The following ANK2 variants were observed in gnomAD, a reference collection of about 807,000 sequenced individuals.
The protein encoded by ANK2 is ankyrin-2.
ANK2 carries 83 observed loss-of-function variants against 360.5 expected under a neutral mutation model. The observed-to-expected ratio is 0.23, with a 90% CI of 0.19 to 0.28. ANK2 has a LOEUF of 0.28. Ranked by LOEUF, ANK2 falls within the 10% of genes least tolerant of loss-of-function variation. ANK2 has a pLI of 1.00. For synonymous variants in ANK2, 1,740 were observed against 1,759.5 expected (o/e 0.99, Z 0.28); for missense variants, 4,201 against 4,795.7 (o/e 0.88, Z 3.66).
upstream of ANK2, among the ~76,000 whole-genome samples, chr4:113,046,630 C>G (rs2064516402): frequency 6.6e-6 from 1 of 152,076 alleles, no homozygotes; most frequent in Admixed American, 6.6e-5. Flanking sequence ...AGACAGTGAG[C>G]CTGCTGGTGC....
chr4:113,332,031 G>A lies in ANK2; in HGVS notation c.3185G>A (p.Arg1062His), dbSNP rs760265335. 3 of 1,614,114 alleles carry A rather than the reference G, an allele frequency of 1.9e-6. No homozygotes were observed. The highest frequency in any genetic ancestry group is 1.1e-5 in the South Asian group (1 of 91,086). ...PLNEGESLVS[R>H]ILQLGPPGTK... ...AATGAGGGAGAAAGTTTGGTCAGCC[G>A]CATTCTTCAGCTGGGGCCTCCTGGA... The change falls in exon 28 of 46, where the codon CGC becomes CAC. Residue 1062 changes from arginine (R) to histidine (H), a missense_variant. Arg to His is a conservative substitution (Grantham distance 29). This residue lies in a region of ANK2 where 1,268 missense variants were observed against 1,650.8 expected (regional missense o/e 0.77). Coordinates refer to ENST00000357077, the MANE Select transcript of ANK2 (RefSeq NM_001148.6).
chr4:112,937,514 G>T (rs1190937229), intron 2 of ANK2, among the ~76,000 whole-genome samples: 1 of 151,940 alleles, frequency 6.6e-6, no homozygotes, highest in Non-Finnish European at 1.5e-5. Context: ...TTTTAGTAGA[G>T]ACTGGGTTTC....
intron 18 of ANK2, among the ~76,000 whole-genome samples, chr4:113,286,315 G>A (rs1337694358): frequency 6.6e-6 from 1 of 152,158 alleles, no homozygotes; most frequent in Non-Finnish European, 1.5e-5. Flanking sequence ...TAATAGAAAA[G>A]GATACACCTT....
chr4:112,740,046 C>T, the ANK2 span, among the ~76,000 whole-genome samples: 5 of 151,742 alleles, frequency 3.3e-5, no homozygotes, highest in African/African-American at 1.2e-4. Context: ...TTGTTGCAGG[C>T]GGGTTCTTCT....
intron 2 of ANK2, among the ~76,000 whole-genome samples, chr4:112,924,117 C>A (rs2092124150): frequency 6.6e-6 from 1 of 152,020 alleles, no homozygotes; most frequent in Non-Finnish European, 1.5e-5. Context: ...CGCCTGTAAT[C>A]CCAGCACTTT....
chr4:113,317,736 A>T lies in ANK2; in HGVS notation c.2723A>T (p.His908Leu), dbSNP rs1386171372. ...CGATCCTTCAGTTCCGACAGGTCTC[A>T]CACTCTGAGCCATGCCTCCTACCTG... ...SLRSFSSDRS[H>L]TLSHASYLRD... Residue 908 changes from histidine to leucine, a missense_variant, in exon 25 of 46, where the codon CAC becomes CTC. Physicochemically the swap from His to Leu is moderately conservative, Grantham distance 99 (BLOSUM62 -3). Around this residue, in one of 4 missense-constraint regions of ANK2, gnomAD observed 1,268 missense variants for 1,650.8 expected, o/e 0.77. Transcript: ENST00000357077. 2.5e-6 allele frequency: 4 copies of T among 1,613,948 alleles called. No homozygotes were observed.
At chr4:113,109,555 G>A (rs966688453) in intron 1 of ANK2, among the ~76,000 whole-genome samples, 3 of 152,264 alleles carry the variant, frequency 2.0e-5, no homozygotes, top group South Asian at 2.1e-4. Context: ...TGCACCTTGT[G>A]TGGACATTGA....
chr4:113,169,419 A>G (rs768623611), intron 1 of ANK2, among the ~76,000 whole-genome samples: 3 of 152,134 alleles, frequency 2.0e-5, no homozygotes, highest in Non-Finnish European at 4.4e-5. Flanking sequence ...TTTATTTTGT[A>G]TTGCTATAAA....
chr4:113,309,614 G>A (rs2078898240), intron 23 of ANK2, among the ~76,000 whole-genome samples: 1 of 152,090 alleles, frequency 6.6e-6, no homozygotes, highest in Non-Finnish European at 1.5e-5. Context: ...GACTTCCTGG[G>A]CTCAAGCGAT....
intron 1 of ANK2, among the ~76,000 whole-genome samples, chr4:113,128,769 G>A (rs966312617): frequency 2.6e-5 from 4 of 152,118 alleles, no homozygotes; most frequent in Non-Finnish European, 4.4e-5. Flanking sequence ...GATTACAGGC[G>A]TGAGCCACCG....
intron 1 of ANK2, among the ~76,000 whole-genome samples, chr4:113,148,562 AC>A (rs773697280): frequency 1.3e-5 from 2 of 152,176 alleles, no homozygotes; most frequent in Non-Finnish European, 2.9e-5. Context: ...ATTACTTTAG[AC>A]CATGAGCATG....
chr4:113,272,442 A>T (rs2058894890), intron 14 of ANK2, among the ~76,000 whole-genome samples: 1 of 152,228 alleles, frequency 6.6e-6, no homozygotes, highest in African/African-American at 2.4e-5. Flanking sequence ...ACCCTTAAGC[A>T]GTAAATTCAA....
intron 2 of ANK2, among the ~76,000 whole-genome samples, chr4:113,015,513 T>C (rs1272474652): frequency 6.6e-6 from 1 of 152,228 alleles, no homozygotes; most frequent in Non-Finnish European, 1.5e-5. Flanking sequence ...TATGATTTAA[T>C]ATGTTCATGA....
At chr4:113,061,644 G>A (rs1448061455) in intron 1 of ANK2, among the ~76,000 whole-genome samples, 1 of 151,888 alleles carries the variant, frequency 6.6e-6, no homozygotes. Flanking sequence ...TATAAACTTT[G>A]GGGATTTTTT....
At chr4:113,167,534 A>G (rs1465144667) in intron 1 of ANK2, among the ~76,000 whole-genome samples, 1 of 151,992 alleles carries the variant, frequency 6.6e-6, no homozygotes, top group Non-Finnish European at 1.5e-5. Flanking sequence ...CCTGATCTCA[A>G]GCAATCCACC....
At chr4:112,964,947 A>G (rs1176980595) in intron 2 of ANK2, among the ~76,000 whole-genome samples, 2 of 152,148 alleles carry the variant, frequency 1.3e-5, no homozygotes, top group Non-Finnish European at 2.9e-5. Context: ...TGTGAACAGT[A>G]CCGTAACAAA....
At chr4:112,871,896 T>C (rs1259910590) in intron 1 of ANK2, among the ~76,000 whole-genome samples, 1 of 152,216 alleles carries the variant, frequency 6.6e-6, no homozygotes, top group African/African-American at 2.4e-5. Context: ...GCATATTACA[T>C]TAATTGATTT....
At chr4:113,107,133 C>T (rs1024787563) in intron 1 of ANK2, among the ~76,000 whole-genome samples, 2 of 152,184 alleles carry the variant, frequency 1.3e-5, no homozygotes, top group Non-Finnish European at 2.9e-5. Context: ...AATAGCTCTA[C>T]TTCTATCAGG....
At chr4:113,125,358 A>ATC (rs2095601355) in intron 1 of ANK2, among the ~76,000 whole-genome samples, 1 of 152,164 alleles carries the variant, frequency 6.6e-6, no homozygotes, top group African/African-American at 2.4e-5. Context: ...TTTGCGTTTG[A>ATC]AACAAAGTTT....
Sources: gnomAD v4.1 joint callset for allele counts (sites outside exome capture counted in the v4.1 genomes callset) on GRCh38, gnomAD v4.1.1 for gene constraint, gnomAD v4.1.1 regional missense constraint, MANE v1.5 for transcripts, NCBI Gene and HGNC (gene_info 2026-07-23, HGNC 2026-07-21) for gene names.